The following STOML3 variants were observed in gnomAD, a reference collection of about 807,000 sequenced individuals.
STOML3 encodes the protein stomatin like 3.
A neutral mutation model predicts 29.5 loss-of-function variants in STOML3; 31 were observed. The ratio of observed to expected loss-of-function variants is 1.05; its 90% CI spans 0.79 to 1.42. The LOEUF is 1.42. Ranked by LOEUF, STOML3 falls within the 40% of genes most tolerant of loss-of-function variation. The pLI, the probability that STOML3 is intolerant of heterozygous loss-of-function variation, is 0.00. For missense variants in STOML3, 380 were observed against 363.0 expected (o/e 1.05, Z -0.38); for synonymous variants, 122 against 139.8 (o/e 0.87, Z 0.90).
intron 1 of STOML3, among the ~76,000 whole-genome samples, chr13:38,983,245 C>T (rs530356196): frequency 6.6e-6 from 1 of 152,278 alleles, no homozygotes; most frequent in Non-Finnish European, 1.5e-5. Flanking sequence ...GATTCCAGTA[C>T]TCTTCCAGTA....
At chr13:38,973,473 G>C (rs559809829) in intron 3 of STOML3, among the ~76,000 whole-genome samples, 9 of 152,256 alleles carry the variant, frequency 5.9e-5, no homozygotes, top group Non-Finnish European at 7.4e-5. Context: ...TCTTGTGAGG[G>C]CCCATTTCCA....
chr13:38,987,479 A>C (rs1322594406), intron 1 of STOML3, among the ~76,000 whole-genome samples: 1 of 151,730 alleles, frequency 6.6e-6, no homozygotes, highest in Non-Finnish European at 1.5e-5. Flanking sequence ...GCGACAGAGC[A>C]AGACCCCATC....
At chr13:38,986,286 C>T (rs752012050) in intron 1 of STOML3, among the ~76,000 whole-genome samples, 9 of 152,014 alleles carry the variant, frequency 5.9e-5, no homozygotes, top group African/African-American at 7.2e-5. Flanking sequence ...CCACCTGCCT[C>T]GGCCTCCCAA....
chr13:38,985,907 CTTTCT>C (rs1868501389), intron 1 of STOML3, among the ~76,000 whole-genome samples: 2 of 23,672 alleles, frequency 8.4e-5, no homozygotes, highest in African/African-American at 1.4e-4. Flanking sequence ...TTTTTCTTTT[CTTTCT>C]TTTTTTTTTT....
rs763908360 is a variant in STOML3 at position 38,970,177 on chromosome 13, G to A, written c.516+8C>T. ...AAGATACAGGCTATTAGTTCATGGT[G>A]TCTTTACCTGGATGCTATGGGCGAT... On this transcript the variant is annotated splice_region_variant and intron_variant, in intron 5 of 6. Transcript: ENST00000379631. 29 of 1,609,600 alleles carry A rather than the reference G, an allele frequency of 1.8e-5. No homozygotes were observed. The East Asian group carries it at 6.0e-4, about 33-fold the overall frequency.
At chr13:38,968,777 G>A (rs767138731) in intron 5 of STOML3, among the ~76,000 whole-genome samples, 13 of 152,072 alleles carry the variant, frequency 8.5e-5, no homozygotes, top group Non-Finnish European at 1.6e-4. Flanking sequence ...CTTTTAGTGG[G>A]TGTCTATCAG....
chr13:38,969,688 C>G (rs532800653), intron 5 of STOML3, among the ~76,000 whole-genome samples: 15 of 152,192 alleles, frequency 9.9e-5, no homozygotes, highest in Non-Finnish European at 1.8e-4. Flanking sequence ...GCTGTTACCT[C>G]TTTATTGATA....
chr13:38,966,986 C>G lies in STOML3; in HGVS notation c.715G>C (p.Ala239Pro), dbSNP rs143268770. ...AGCTGGAGAGCTATGGGAGACTCAG[C>G]CAGCACCATGGAGGCTGACTTCAGG... is the stretch of plus-strand genomic sequence containing the variant. ...KSLKSASMVL[A>P]ESPIALQLRY... Residue 239 changes from alanine to proline, a missense_variant, in exon 7 of 7, where the codon GCT (alanine) becomes CCT (proline). By Grantham distance (27) the Ala-to-Pro change is conservative (BLOSUM62 -1). Coordinates refer to ENST00000379631, the MANE Select transcript of STOML3 (RefSeq NM_145286.3). 86 of 1,613,816 alleles carry G rather than the reference C, an allele frequency of 5.3e-5. No homozygotes were observed. The highest frequency in any genetic ancestry group is 8.5e-6 in the Non-Finnish European group (10 of 1,179,994).
At chr13:38,975,606 C>T (rs1197693883) in intron 3 of STOML3, among the ~76,000 whole-genome samples, 1 of 152,140 alleles carries the variant, frequency 6.6e-6, no homozygotes, top group Non-Finnish European at 1.5e-5. Flanking sequence ...CCTTCTAAGA[C>T]AGTGCTTTTG....
Position 38,987,830 on chromosome 13 carries a change from ATATAT to A in STOML3, c.52+2835_52+2839del, listed in dbSNP as rs552093702. Among the ~76,000 whole-genome samples the A allele has an allele frequency of 5.2e-3, 388 of 74,256 alleles. 7 individuals are homozygous for A. The highest frequency in any genetic ancestry group is 0.018 in the East Asian group (45 of 2,446). 48.7% of individuals were successfully genotyped at this position (74,256 alleles called of 152,430 possible). A position where few individuals can be genotyped will look rare whatever the true frequency, so the allele number is the denominator to read the frequency against. Reference sequence around the variant, plus strand: ...TATATAATATATTATATTTTATATAATATATTATATTTTATATAATATATTATATG... The same window carrying A: ...TATATAATATATTATATTTTATATAATATATTTTATATAATATATTATATG... On this transcript the variant is annotated intron_variant, in intron 1 of 6. Transcript: ENST00000379631.
In STOML3 at chr13:38,968,255, C is replaced by A; in HGVS notation, c.651+145G>T. On this transcript the variant is annotated intron_variant, in intron 6 of 6. Transcript: ENST00000379631. ...GTAAGCTGCTGGTTACCTTTTAATTCAGGGAAAATTCTCAGTAAAACTGTG... is the reference window on the plus strand; with the variant it reads ...GTAAGCTGCTGGTTACCTTTTAATTAAGGGAAAATTCTCAGTAAAACTGTG... 3 of 1,248,486 alleles carry A rather than the reference C, an allele frequency of 2.4e-6. No homozygotes were observed. The South Asian group carries it at 4.9e-5, about 20-fold the overall frequency. 77.3% of individuals were successfully genotyped at this position (1,248,486 alleles called of 1,614,324 possible). A position where few individuals can be genotyped will look rare whatever the true frequency, so the allele number is the denominator to read the frequency against.
chr13:38,971,181 T>C (rs4397983), intron 4 of STOML3, among the ~76,000 whole-genome samples: 15,487 of 152,128 alleles, frequency 0.1, 1,083 homozygotes, highest in Admixed American at 0.19. Flanking sequence ...TACAGGTGCA[T>C]GCCACCATGC....
chr13:38,989,949 C>T (rs1868933611), intron 1 of STOML3, among the ~76,000 whole-genome samples: 1 of 151,900 alleles, frequency 6.6e-6, no homozygotes, highest in African/African-American at 2.4e-5. Context: ...ACACGCACAC[C>T]ATCATCATAA....
intron 1 of STOML3, 30 bp downstream of exon 1, chr13:38,990,640 A>C (rs772704705): frequency 6.2e-7 from 1 of 1,612,566 alleles, no homozygotes; most frequent in South Asian, 1.1e-5. Flanking sequence ...TATGTAAAAA[A>C]CAAGCCTAAG....
intron 5 of STOML3, 113 bp from the exon 6 acceptor site, chr13:38,968,647 C>A: frequency 8.1e-7 from 1 of 1,238,632 alleles, no homozygotes; most frequent in Non-Finnish European, 1.1e-6. Flanking sequence ...TTTTCTTTTG[C>A]ATTTACAGCA....
chr13:38,976,452 T>A (rs1881075217), intron 3 of STOML3, 88 bp downstream of exon 3: 1 of 1,472,722 alleles, frequency 6.8e-7, no homozygotes, highest in Admixed American at 1.9e-5. Context: ...TGACTCTCAA[T>A]AGGCACCACC....
intron 6 of STOML3, among the ~76,000 whole-genome samples, chr13:38,967,681 G>C (rs959116701): frequency 6.6e-6 from 1 of 152,132 alleles, no homozygotes; most frequent in Non-Finnish European, 1.5e-5. Context: ...TATCATTGCC[G>C]AGTCCCTTCC....
intron 1 of STOML3, among the ~76,000 whole-genome samples, chr13:38,978,184 C>T (rs1321089871): frequency 6.6e-6 from 1 of 151,864 alleles, no homozygotes. Flanking sequence ...GACAGAGTCT[C>T]ATTCTGTCGC....
chr13:38,971,038 C>CTTT (rs754830596), intron 4 of STOML3, among the ~76,000 whole-genome samples: 6,196 of 147,974 alleles, frequency 0.042, 438 homozygotes, highest in African/African-American at 0.14. Flanking sequence ...TGAATTCTTT[C>CTTT]TTTTTTTTTT....
Sources: gnomAD v4.1 joint callset for allele counts (sites outside exome capture counted in the v4.1 genomes callset) on GRCh38, gnomAD v4.1.1 for gene constraint, MANE v1.5 for transcripts, NCBI Gene and HGNC (gene_info 2026-07-23, HGNC 2026-07-21) for gene names.